Variants in NRG1 observed in about 807,000 individuals in gnomAD.
The protein encoded by NRG1 is neuregulin 1, also known as pro-neuregulin-1, membrane-bound isoform.
NRG1 carries 18 observed loss-of-function variants against 63.8 expected under a neutral mutation model. That is an observed-to-expected ratio of 0.28 (90% CI 0.19 to 0.42). The LOEUF is 0.42. Ranked by LOEUF, NRG1 falls within the 10% of genes least tolerant of loss-of-function variation. NRG1 has a pLI of 1.00. For missense variants in NRG1, 762 were observed against 814.7 expected (o/e 0.94, Z 0.79); for synonymous variants, 302 against 301.3 (o/e 1.00, Z -0.02).
chr8:32,564,313 T>C (rs763045126), intron 1 of NRG1, among the ~76,000 whole-genome samples: 4 of 152,220 alleles, frequency 2.6e-5, no homozygotes, highest in Non-Finnish European at 5.9e-5. Flanking sequence ...TATTTAAGTC[T>C]ATCACCTGGA....
intron 1 of NRG1, among the ~76,000 whole-genome samples, chr8:32,092,381 C>G (rs1380738634): frequency 1.5e-5 from 2 of 137,668 alleles, no homozygotes; most frequent in African/African-American, 5.5e-5. Context: ...TGCTTGAGCC[C>G]AAGAGTTTAA....
At chr8:32,755,868 G>A (rs1438830104) in intron 8 of NRG1, among the ~76,000 whole-genome samples, 25 of 151,728 alleles carry the variant, frequency 1.6e-4, no homozygotes, top group Admixed American at 6.6e-4. Context: ...TCAGCCTCCC[G>A]AGTAGCTGGG....
At chr8:32,508,335 G>A (rs1168584281) in intron 1 of NRG1, among the ~76,000 whole-genome samples, 1 of 152,098 alleles carries the variant, frequency 6.6e-6, no homozygotes, top group Non-Finnish European at 1.5e-5. Flanking sequence ...CTGTCGCCCG[G>A]GCTGGAGTGT....
In NRG1 at chr8:32,697,075, A is replaced by G. The variant is rs574200092; in HGVS notation, c.503-30874A>G. On this transcript the variant is annotated intron_variant, in intron 5 of 11. Coordinates refer to ENST00000356819, the Ensembl canonical transcript of NRG1. ...TTAGATGGACGTTGCCTGCAATTCA[A>G]TTCCATCTGTAGAGCAGATTTCATT... Among the ~76,000 whole-genome samples the G allele has an allele frequency of 4.6e-5, 7 of 152,362 alleles. No homozygotes were observed. In the South Asian group the frequency reaches 6.2e-4, roughly 14 times the overall value.
At chr8:32,743,639 G>A (rs1277968768) in intron 7 of NRG1, among the ~76,000 whole-genome samples, 1 of 144,090 alleles carries the variant, frequency 6.9e-6, no homozygotes, top group Non-Finnish European at 1.5e-5. Flanking sequence ...TTGGATAGAT[G>A]TTCGTGGCTT....
At chr8:31,971,465 A>G (rs944458573) in intron 1 of NRG1, among the ~76,000 whole-genome samples, 1 of 152,168 alleles carries the variant, frequency 6.6e-6, no homozygotes, top group African/African-American at 2.4e-5. Flanking sequence ...GAACAGACAG[A>G]CAGGAATGTC....
At chr8:31,899,633 A>T (rs1337255105) in intron 1 of NRG1, among the ~76,000 whole-genome samples, 1 of 152,138 alleles carries the variant, frequency 6.6e-6, no homozygotes, top group Non-Finnish European at 1.5e-5. Flanking sequence ...CCATTGTGCA[A>T]ACCTCAGCCT....
chr8:31,789,769 A>G (rs1176348669), intron 1 of NRG1, among the ~76,000 whole-genome samples: 3 of 152,190 alleles, frequency 2.0e-5, no homozygotes, highest in Non-Finnish European at 4.4e-5. Context: ...TCTGGATTGT[A>G]ATCCTATAAG....
intron 1 of NRG1, among the ~76,000 whole-genome samples, chr8:32,457,423 T>C (rs1445765264): frequency 6.6e-6 from 1 of 152,226 alleles, no homozygotes; most frequent in Non-Finnish European, 1.5e-5. Context: ...GTTTTTGCAT[T>C]CTTGTAGAAA....
In NRG1 at chr8:32,194,876, G is replaced by GA. The variant is rs796375817; in HGVS notation, c.38-400943dup. 1.1e-4 allele frequency among the ~76,000 whole-genome samples: 17 copies of GA among 150,304 alleles called. No individual in the cohort carries two copies. In the East Asian group the frequency reaches 1.9e-3, roughly 17 times the overall value. ...CAAGGATGAAGGTTATTCTTTAGGAGAAAAAAAAATTGTAACATACATTTT... is the reference window on the plus strand; with the variant it reads ...CAAGGATGAAGGTTATTCTTTAGGAGAAAAAAAAAATTGTAACATACATTTT... On this transcript the variant is annotated intron_variant, in intron 1 of 10. Coordinates refer to the NRG1 transcript ENST00000519301.
intron 11 of NRG1, chr8:32,760,824 G>C (rs1354408741): frequency 4.9e-6 from 5 of 1,016,036 alleles, no homozygotes; most frequent in Admixed American, 5.1e-5. Context: ...AGCTGGCCTC[G>C]TGTTCTTATC....
intron 1 of NRG1, among the ~76,000 whole-genome samples, chr8:32,046,060 A>G (rs1820945058): frequency 1.3e-5 from 2 of 152,112 alleles, no homozygotes. Flanking sequence ...AGGGGTTTGC[A>G]TTCAAGATAT....
chr8:31,673,836 A>G (rs1807403234), intron 1 of NRG1, among the ~76,000 whole-genome samples: 1 of 152,152 alleles, frequency 6.6e-6, no homozygotes, highest in South Asian at 2.1e-4. Context: ...TTCTCCTTTA[A>G]AGTATACTGT....
chr8:32,411,912 C>T (rs1012829720), intron 1 of NRG1, among the ~76,000 whole-genome samples: 1 of 152,074 alleles, frequency 6.6e-6, no homozygotes, highest in Non-Finnish European at 1.5e-5. Flanking sequence ...AGTTGGGGAC[C>T]ATGCGTACTC....
intron 1 of NRG1, among the ~76,000 whole-genome samples, chr8:32,286,725 A>C (rs368929358): frequency 6.6e-6 from 1 of 152,078 alleles, no homozygotes; most frequent in Non-Finnish European, 1.5e-5. Flanking sequence ...CTGGCCGGGC[A>C]CGGTGGCTCA....
chr8:31,731,604 A>G (rs1814077637), intron 1 of NRG1, among the ~76,000 whole-genome samples: 1 of 152,132 alleles, frequency 6.6e-6, no homozygotes, highest in South Asian at 2.1e-4. Context: ...TTTAGCCATA[A>G]GTATATATCA....
intron 5 of NRG1, among the ~76,000 whole-genome samples, chr8:32,723,537 T>C (rs1300231846): frequency 1.3e-5 from 2 of 150,086 alleles, no homozygotes; most frequent in African/African-American, 4.9e-5. Flanking sequence ...AAAAAAAAAA[T>C]TAGCCGGGTG....
intron 1 of NRG1, among the ~76,000 whole-genome samples, chr8:31,918,212 G>T (rs1833581880): frequency 6.6e-6 from 1 of 152,104 alleles, no homozygotes; most frequent in Non-Finnish European, 1.5e-5. Flanking sequence ...CTGCCTAATT[G>T]CCCTAGCCAG....
chr8:32,219,466 T>C lies in NRG1; in HGVS notation c.38-376362T>C, dbSNP rs373780473. 1.4e-4 allele frequency among the ~76,000 whole-genome samples: 21 copies of C among 152,250 alleles called. No individual in the cohort carries two copies. In the East Asian group the frequency reaches 2.1e-3, roughly 15 times the overall value. On this transcript the variant is annotated intron_variant, in intron 1 of 10. Coordinates refer to the NRG1 transcript ENST00000519301. The stretch of plus-strand genomic sequence containing the variant: ...ATTACTAAAATCACTGTCATTTCTA[T>C]GCTTTTCTTCTCCCTTCAATCACAT...
Sources: allele counts gnomAD v4.1 joint callset (sites outside exome capture counted in the v4.1 genomes callset), GRCh38; gene constraint gnomAD v4.1.1; transcripts MANE v1.5; gene names NCBI Gene and HGNC (gene_info 2026-07-23, HGNC 2026-07-21).